The following KCNN2 variants were observed in gnomAD, a reference collection of about 807,000 sequenced individuals.
KCNN2 encodes the protein potassium calcium-activated channel subfamily N member 2, also known as small conductance calcium-activated potassium channel protein 2.
A neutral mutation model predicts 55.5 loss-of-function variants in KCNN2; 24 were observed. The ratio of observed to expected loss-of-function variants is 0.43; its 90% CI spans 0.31 to 0.61. KCNN2 has a LOEUF of 0.61. KCNN2 is among the 20% of genes least tolerant of loss of function. KCNN2 has a pLI of 0.08. For synonymous variants in KCNN2, 431 were observed against 336.1 expected, an observed-to-expected ratio of 1.28 and a Z score of -3.09; for missense variants, 754 against 853.6, an observed-to-expected ratio of 0.88 and a Z score of 1.45.
At chr5:114,428,349 A>G (rs1030949185) in intron 3 of KCNN2, among the ~76,000 whole-genome samples, 3 of 152,270 alleles carry the variant, frequency 2.0e-5, no homozygotes, top group African/African-American at 7.2e-5. Context: ...TTTAATGGGA[A>G]TTTCTAGTTA....
At chr5:114,258,474 CT>C (rs1012359653) in intron 2 of KCNN2, among the ~76,000 whole-genome samples, 1 of 151,018 alleles carries the variant, frequency 6.6e-6, no homozygotes, top group Admixed American at 6.6e-5. Flanking sequence ...TGGTTCTGGG[CT>C]TTTTTTTTCT....
intron 5 of KCNN2, among the ~76,000 whole-genome samples, chr5:114,477,090 G>A (rs997809983): frequency 2.7e-5 from 2 of 73,090 alleles, no homozygotes; most frequent in South Asian, 5.3e-4. Context: ...CAAACTCAAG[G>A]TTACTACATA....
At chr5:114,202,871 C>T (rs768069491) in intron 1 of KCNN2, among the ~76,000 whole-genome samples, 1 of 152,036 alleles carries the variant, frequency 6.6e-6, no homozygotes, top group Non-Finnish European at 1.5e-5. Flanking sequence ...CAGGCGTGAG[C>T]CACCGCACCC....
chr5:114,485,224 C>G (rs993374377), intron 5 of KCNN2, among the ~76,000 whole-genome samples: 24 of 152,148 alleles, frequency 1.6e-4, no homozygotes, highest in Admixed American at 1.6e-3. Flanking sequence ...TTTCCAGCTT[C>G]CTCACCAGGC....
At chr5:114,493,555 G>C (rs1747966991) in intron 7 of KCNN2, 83 bp downstream of exon 7, 1 of 935,882 alleles carries the variant, frequency 1.1e-6, no homozygotes, top group Non-Finnish European at 1.8e-6. Flanking sequence ...TGTTTCAAGA[G>C]GATCCCAACC....
At position 114,410,537 on chromosome 5, in the gene KCNN2, T is replaced by G. The variant is rs1348579611; in HGVS notation, c.1637+5681T>G. 3.9e-5 allele frequency among the ~76,000 whole-genome samples: 6 copies of G among 152,190 alleles called. No individual in the cohort carries two copies. The East Asian group carries it at 1.2e-3, about 29-fold the overall frequency. On this transcript the variant is annotated intron_variant, in intron 3 of 7. Coordinates refer to ENST00000673685, the MANE Select transcript of KCNN2 (RefSeq NM_021614.4). ...AAACATACTTGACATATGACAATACTGAAGTTTTGGAGATAGAAAGAAATT... is the reference window on the plus strand; with the variant it reads ...AAACATACTTGACATATGACAATACGGAAGTTTTGGAGATAGAAAGAAATT...
chr5:114,325,120 C>T lies in KCNN2; in HGVS notation c.-184-35825C>T, dbSNP rs571081077. Among the ~76,000 whole-genome samples the T allele has an allele frequency of 3.3e-5, 5 of 152,070 alleles. No individual in the cohort carries two copies. In the East Asian group the frequency reaches 5.8e-4, roughly 18 times the overall value. On this transcript the variant is annotated intron_variant, in intron 2 of 10. Transcript: ENST00000512097. ...TGTGGAAGGCAGATTTTTTAAATGA[C>T]GAGGAGATTTCCAAATAAAGTGTTG... is the stretch of plus-strand genomic sequence containing the variant.
chr5:114,300,510 G>A (rs918043688), intron 2 of KCNN2, among the ~76,000 whole-genome samples: 3 of 152,188 alleles, frequency 2.0e-5, no homozygotes, highest in African/African-American at 4.8e-5. Context: ...CTAAGGAAAA[G>A]ATAGATTAAG....
rs35260445 is a variant in KCNN2 at position 114,253,132 on chromosome 5, C to CTT, written c.-185+31579_-185+31580dup. On this transcript the variant is annotated intron_variant, in intron 2 of 10. Coordinates refer to the KCNN2 transcript ENST00000512097. ...AGAGGTTTCTTTTTTTTCTTGCTTT[C>CTT]TTTTTTTTTTTTTCCTGCCCTGAGC... Among the ~76,000 whole-genome samples the CTT allele has an allele frequency of 2.7e-4, 38 of 140,402 alleles. 1 individual carries two copies. The highest frequency in any genetic ancestry group is 2.9e-4 in the African/African-American group (11 of 37,912). The allele number at this position is 140,402 out of a possible 152,430, so 92.1% of individuals were successfully genotyped here.
intron 3 of KCNN2, among the ~76,000 whole-genome samples, chr5:114,410,155 A>C (rs1264565728): frequency 6.6e-6 from 1 of 152,206 alleles, no homozygotes. Flanking sequence ...TATTAGGAGA[A>C]ATTTCAGGAA....
At chr5:114,332,467 T>C (rs1185954799) in intron 2 of KCNN2, among the ~76,000 whole-genome samples, 8 of 152,190 alleles carry the variant, frequency 5.3e-5, no homozygotes, top group Admixed American at 3.3e-4. Flanking sequence ...GGGAAATGTA[T>C]AGAGTGGTGA....
At chr5:114,381,264 A>G (rs181594010) in intron 2 of KCNN2, among the ~76,000 whole-genome samples, 303 of 152,322 alleles carry the variant, frequency 2.0e-3, no homozygotes, top group Non-Finnish European at 3.3e-3. Context: ...ACTTTAAATT[A>G]TTAAAGTAGA....
chr5:114,182,045 G>C (rs1362018944), intron 1 of KCNN2, among the ~76,000 whole-genome samples: 1 of 152,086 alleles, frequency 6.6e-6, no homozygotes, highest in Admixed American at 6.6e-5. Flanking sequence ...TGTATGTAAG[G>C]TGTGGGTTAG....
At chr5:114,450,136 C>G (rs1760609072) in intron 3 of KCNN2, among the ~76,000 whole-genome samples, 1 of 152,346 alleles carries the variant, frequency 6.6e-6, no homozygotes, top group African/African-American at 2.4e-5. Context: ...CGTCAGCTGG[C>G]CGCTACCCAT....
intron 1 of KCNN2, among the ~76,000 whole-genome samples, chr5:114,170,213 T>C (rs1370251958): frequency 6.6e-6 from 1 of 152,082 alleles, no homozygotes; most frequent in Non-Finnish European, 1.5e-5. Context: ...TTTGGCCATA[T>C]TCTTCATTAC....
chr5:114,448,847 T>G (rs1008762464), intron 3 of KCNN2, among the ~76,000 whole-genome samples: 1 of 152,240 alleles, frequency 6.6e-6, no homozygotes, highest in Non-Finnish European at 1.5e-5. Context: ...TTGTGATAAC[T>G]GCGTACTGTA....
intron 2 of KCNN2, among the ~76,000 whole-genome samples, chr5:114,366,849 G>C (rs1561589580): frequency 6.6e-6 from 1 of 152,178 alleles, no homozygotes; most frequent in Admixed American, 6.5e-5. Context: ...TAAATGCAAG[G>C]TTATGCTGCC....
Position 114,362,558 on chromosome 5 carries a change from G to GGCAGCAGTACGCGCAGCAGTCCGC in KCNN2, c.428_451dup (p.Tyr143_Gln150dup), listed in dbSNP as rs1554083284. On this transcript the variant is annotated inframe_insertion, in exon 1 of 8. Coordinates refer to ENST00000673685, the MANE Select transcript of KCNN2 (RefSeq NM_021614.4). Reference sequence around the variant, plus strand: ...CCGTCCAGCCATGCCAGTGCGCTCCGGCAGCAGTACGCGCAGCAGTCCGCG... The same window carrying GGCAGCAGTACGCGCAGCAGTCCGC: ...CCGTCCAGCCATGCCAGTGCGCTCCGGCAGCAGTACGCGCAGCAGTCCGCGCAGCAGTACGCGCAGCAGTCCGCG... 29 of 613,214 alleles carry GGCAGCAGTACGCGCAGCAGTCCGC rather than the reference G, an allele frequency of 4.7e-5. No individual in the cohort carries two copies. The Middle Eastern group carries it at 2.2e-3, about 47-fold the overall frequency. 38.0% of individuals were successfully genotyped at this position (613,214 alleles called of 1,614,324 possible).
In KCNN2 at chr5:114,487,045, A is replaced by C. The variant is rs757367882; in HGVS notation, c.1891-5A>C. ...TATCAACTGCTTTGTTTGTTCTCTT[A>C]ACAGGTAAAAAATGCAGCTGCCAAT... On this transcript the variant is annotated splice_polypyrimidine_tract_variant and splice_region_variant and intron_variant, in intron 5 of 7. Transcript: ENST00000673685. The C allele has an allele frequency of 6.2e-7, 1 of 1,612,680 alleles. No individual in the cohort carries two copies.
Sources: gnomAD v4.1 joint callset for allele counts (sites outside exome capture counted in the v4.1 genomes callset) on GRCh38, gnomAD v4.1.1 for gene constraint, MANE v1.5 for transcripts, NCBI Gene and HGNC (gene_info 2026-07-23, HGNC 2026-07-21) for gene names.